The following HTT variants were observed in gnomAD, a reference collection of about 807,000 sequenced individuals.
The protein encoded by HTT is huntingtin.
A neutral mutation model predicts 362.3 loss-of-function variants in HTT; 104 were observed. The observed-to-expected ratio is 0.29, with a 90% CI of 0.24 to 0.34. The LOEUF (loss-of-function observed/expected upper bound fraction) is 0.34. Ranked by LOEUF, HTT falls within the 10% of genes least tolerant of loss-of-function variation. HTT has a pLI of 1.00. For synonymous variants in HTT, 1,577 were observed against 1,548.7 expected (o/e 1.02, Z -0.43); for missense variants, 3,301 against 3,928.6 (o/e 0.84, Z 4.27).
intron 8 of HTT, among the ~76,000 whole-genome samples, chr4:3,120,847 T>C (rs1353757438): frequency 1.3e-5 from 2 of 152,226 alleles, no homozygotes; most frequent in African/African-American, 4.8e-5. Context: ...GTCTGGTAGC[T>C]CTTTCTCAGT....
At chr4:3,162,848 A>G (rs1717512033) in intron 29 of HTT, among the ~76,000 whole-genome samples, 1 of 152,182 alleles carries the variant, frequency 6.6e-6, no homozygotes, top group Non-Finnish European at 1.5e-5. Context: ...GGTTTTCTAA[A>G]TATACAATCA....
chr4:3,117,675 A>AG lies in HTT; in HGVS notation c.1068+1413dup, dbSNP rs570289140. Among the ~76,000 whole-genome samples, 12 of 152,206 alleles carry AG rather than the reference A, an allele frequency of 7.9e-5. No homozygotes were observed. In the South Asian group the frequency reaches 2.3e-3, roughly 29 times the overall value. On this transcript the variant is annotated intron_variant, in intron 8 of 66. Transcript: ENST00000355072. ...AACATGGCGAAACCCCATGTCTTAA[A>AG]GAAAAAAATCAGCCAAGTGTGGTGA... is the stretch of plus-strand genomic sequence containing the variant.
chr4:3,113,330 G>T (rs1422473310), intron 6 of HTT, among the ~76,000 whole-genome samples: 3 of 151,624 alleles, frequency 2.0e-5, no homozygotes, highest in Non-Finnish European at 4.4e-5. Context: ...CTCATACAAT[G>T]ATTTTTTTTT....
At chr4:3,212,508 A>C in intron 48 of HTT, 56 bp from the exon 49 acceptor site, 1 of 1,577,522 alleles carries the variant, frequency 6.3e-7, no homozygotes, top group Non-Finnish European at 8.6e-7. Context: ...CTGCCTTTCG[A>C]AGTTGATGCA....
intron 37 of HTT, among the ~76,000 whole-genome samples, chr4:3,185,602 G>C (rs1718723262): frequency 6.6e-6 from 1 of 152,190 alleles, no homozygotes; most frequent in South Asian, 2.1e-4. Flanking sequence ...ATTTTAGCTT[G>C]GGCTATTTTG....
intron 1 of HTT, among the ~76,000 whole-genome samples, chr4:3,085,231 G>A (rs1240686305): frequency 6.6e-6 from 1 of 151,800 alleles, no homozygotes; most frequent in Non-Finnish European, 1.5e-5. Flanking sequence ...TCTGCCTCCT[G>A]GGTTCAAGCA....
intron 28 of HTT, among the ~76,000 whole-genome samples, chr4:3,159,855 T>A (rs1029393336): frequency 1.1e-4 from 16 of 152,248 alleles, no homozygotes. Context: ...AATATTTTAT[T>A]GTATCCAAAT....
In HTT at chr4:3,157,128, G is replaced by C; in HGVS notation, c.3682G>C (p.Gly1228Arg). Residue 1228 changes from glycine (G) to arginine (R), a missense_variant, in exon 28 of 67, where the codon GGG (glycine) becomes CGG (arginine). By Grantham distance (125) the Gly-to-Arg change is moderately radical. This residue lies in a region of HTT where 2,316 missense variants were observed against 2,658.5 expected (regional missense o/e 0.87). Transcript: ENST00000355072. ...TACAACAAGTAAATCCTCATCACTGGGGAGTTTCTATCATCTTCCTTCATA... is the reference window on the plus strand; with the variant it reads ...TACAACAAGTAAATCCTCATCACTGCGGAGTTTCTATCATCTTCCTTCATA... ...PVTTSKSSSL[G>R]SFYHLPSYLK... The C allele has an allele frequency of 6.2e-7, 1 of 1,612,824 alleles. No homozygotes were observed. Among genetic ancestry groups the C allele is most frequent in the Non-Finnish European group, 8.5e-7 (1 of 1,178,922 alleles).
At chr4:3,215,003 G>A in intron 50 of HTT, 107 bp from the exon 51 acceptor site, 1 of 850,286 alleles carries the variant, frequency 1.2e-6, no homozygotes, top group South Asian at 1.6e-5. Context: ...AGGCTAGTCT[G>A]TCTATCCCTT....
chr4:3,225,710 G>A lies in HTT; in HGVS notation c.7815G>A (p.Arg2605=). Residue 2605 remains arginine (R), a synonymous_variant, in exon 57 of 67, where the codon CGG becomes CGA. Coordinates refer to ENST00000355072, the MANE Select transcript of HTT (RefSeq NM_001388492.1). ...EKLLLQINPE[R]ELGSMSYKLG... ...TGCTGCTACAGATCAACCCCGAGCG[G>A]GAGCTGGGGAGCATGAGCTACAAAC... The A allele has an allele frequency of 6.2e-7, 1 of 1,614,108 alleles. No homozygotes were observed. The highest frequency in any genetic ancestry group is 8.5e-7 in the Non-Finnish European group (1 of 1,179,976).
intron 12 of HTT, 110 bp downstream of exon 12, chr4:3,127,714 A>T: frequency 1.3e-6 from 1 of 787,406 alleles, no homozygotes; most frequent in Non-Finnish European, 2.0e-6. Flanking sequence ...CTGTAATCCC[A>T]GCACTTTGGG....
At position 3,087,858 on chromosome 4, in the gene HTT, A is replaced by AT. The variant is rs889091685; in HGVS notation, c.347+845dup. Among the ~76,000 whole-genome samples, 11 of 151,570 alleles carry AT rather than the reference A, an allele frequency of 7.3e-5. No individual in the cohort carries two copies. In the South Asian group the frequency reaches 1.5e-3, roughly 20 times the overall value. ...AAAACGTGTGGTGATTCTTTTTTTA[A>AT]TTTTTTTTTGAGACGGAGTTTCACT... On this transcript the variant is annotated intron_variant, in intron 2 of 66. Coordinates refer to ENST00000355072, the MANE Select transcript of HTT (RefSeq NM_001388492.1).
chr4:3,105,377 G>A lies in HTT; in HGVS notation c.549G>A (p.Leu183=). The change falls in exon 5 of 67, where the codon TTG becomes TTA. Residue 183 remains leucine (L), a synonymous_variant. Coordinates refer to ENST00000355072, the MANE Select transcript of HTT (RefSeq NM_001388492.1). The part of the protein sequence containing the change: ...EIKKNGAPRS[L]RAALWRFAEL... Reference sequence around the variant, plus strand: ...CTCAGAATGGTGCCCCTCGGAGTTTGCGTGCTGCCCTGTGGAGGTTTGCTG... The same window carrying A: ...CTCAGAATGGTGCCCCTCGGAGTTTACGTGCTGCCCTGTGGAGGTTTGCTG... The A allele has an allele frequency of 6.2e-7, 1 of 1,614,008 alleles. No individual in the cohort carries two copies. Among genetic ancestry groups the A allele is most frequent in the South Asian group, 1.1e-5 (1 of 91,072 alleles).
rs1212575094 is a variant in HTT at position 3,228,696 on chromosome 4, G to A, written c.7930G>A (p.Ala2644Thr). ...EEWDEEEEEE[A>T]DAPAPSSPPT... ...ATGGGACGAGGAAGAGGAGGAGGAG[G>A]CCGACGCCCCTGCACCTTCGTCACC... The change falls in exon 58 of 67, where the codon GCC becomes ACC. Residue 2644 changes from alanine (A) to threonine (T), a missense_variant. Transcript: ENST00000355072. The surrounding 1 kb of genome is among the most constrained non-coding windows in gnomAD (Gnocchi z 4.3). 2.7e-5 allele frequency: 44 copies of A among 1,610,162 alleles called. No individual in the cohort carries two copies. Among genetic ancestry groups the A allele is most frequent in the Non-Finnish European group, 3.7e-5 (44 of 1,177,718 alleles).
chr4:3,091,253 A>T (rs1309045629), intron 2 of HTT, among the ~76,000 whole-genome samples: 1 of 152,242 alleles, frequency 6.6e-6, no homozygotes, highest in African/African-American at 2.4e-5. Flanking sequence ...TGAATTTATG[A>T]TGGGTGTAAC....
chr4:3,220,310 T>A lies in HTT; in HGVS notation c.7369+2T>A. The A allele has an allele frequency of 6.2e-7, 1 of 1,612,770 alleles. No individual in the cohort carries two copies. The highest frequency in any genetic ancestry group is 8.5e-7 in the Non-Finnish European group (1 of 1,178,796). The stretch of plus-strand genomic sequence containing the variant: ...TCATCTACCGCATCAACACACTAGG[T>A]ACTCTTGGGGCCTCTCCTTCAGGTC... On this transcript the variant is annotated splice_donor_variant, in intron 53 of 66. Coordinates refer to ENST00000355072, the MANE Select transcript of HTT (RefSeq NM_001388492.1). LOFTEE classifies it high-confidence loss of function.
intron 8 of HTT, 91 bp from the exon 9 acceptor site, chr4:3,121,137 C>G: frequency 1.2e-6 from 1 of 832,850 alleles, no homozygotes; most frequent in Non-Finnish European, 2.0e-6. Flanking sequence ...TAAACTTTGT[C>G]AATGAAGTCC....
intron 33 of HTT, 115 bp downstream of exon 33, chr4:3,175,222 T>A: frequency 1.0e-6 from 1 of 968,042 alleles, no homozygotes; most frequent in East Asian, 2.4e-5. Flanking sequence ...CCCTCATCAG[T>A]TGCTGCTGCT....
At chr4:3,095,070 A>T (rs995733270) in intron 2 of HTT, among the ~76,000 whole-genome samples, 19 of 151,756 alleles carry the variant, frequency 1.3e-4, no homozygotes, top group African/African-American at 4.4e-4. Context: ...GGGGCTCCTC[A>T]CATCCCAGAC....
Sources: gnomAD v4.1 joint callset for allele counts (sites outside exome capture counted in the v4.1 genomes callset) on GRCh38, gnomAD v4.1.1 for gene constraint, gnomAD v4.1.1 regional missense constraint, Gnocchi (gnomAD v3.1) non-coding constraint, MANE v1.5 for transcripts, NCBI Gene and HGNC (gene_info 2026-07-23, HGNC 2026-07-21) for gene names.